SYT1: variants seen among roughly 807,000 people sequenced by gnomAD.
The protein encoded by SYT1 is synaptotagmin 1.
Under a neutral mutation model 44.8 loss-of-function variants are expected in SYT1, and 8 were observed. The observed-to-expected ratio is 0.18, with a 90% CI of 0.10 to 0.32. SYT1 has a LOEUF of 0.32. Ranked by LOEUF, SYT1 falls within the 10% of genes least tolerant of loss-of-function variation. The pLI, the probability that SYT1 is intolerant of heterozygous loss-of-function variation, is 1.00. For missense variants in SYT1, 286 were observed against 509.3 expected, an observed-to-expected ratio of 0.56 and a Z score of 4.22; for synonymous variants, 154 against 188.8, an observed-to-expected ratio of 0.82 and a Z score of 1.51.
At chr12:78,937,592 C>T (rs1878132661) in intron 1 of SYT1, among the ~76,000 whole-genome samples, 1 of 151,986 alleles carries the variant, frequency 6.6e-6, no homozygotes, top group Non-Finnish European at 1.5e-5. Flanking sequence ...AGATAAGCAA[C>T]TACTTAAATA....
chr12:79,231,953 G>A (rs1198166102), intron 4 of SYT1, among the ~76,000 whole-genome samples: 1 of 152,140 alleles, frequency 6.6e-6, no homozygotes, highest in South Asian at 2.1e-4. Flanking sequence ...TTGCTATGGT[G>A]AGCATCTATG....
In SYT1 at chr12:79,178,897, C is replaced by T. The variant is rs12820263; in HGVS notation, c.-17-38606C>T. Among the ~76,000 whole-genome samples, 16 of 102,866 alleles carry T rather than the reference C, an allele frequency of 1.6e-4. 4 individuals carry two copies. Among genetic ancestry groups the T allele is most frequent in the South Asian group, 1.4e-3 (5 of 3,670 alleles). The allele number at this position is 102,866 out of a possible 152,430, so 67.5% of individuals were successfully genotyped here. ...CTGAGTAGCTGGGATTTCATGCATGCGCCACCACACCCAGATATAGATATA... is the reference window on the plus strand; with the variant it reads ...CTGAGTAGCTGGGATTTCATGCATGTGCCACCACACCCAGATATAGATATA... On this transcript the variant is annotated intron_variant, in intron 3 of 10. Coordinates refer to ENST00000261205, the MANE Select transcript of SYT1 (RefSeq NM_005639.3).
chr12:78,985,769 G>A (rs887101100), intron 2 of SYT1, among the ~76,000 whole-genome samples: 1 of 151,900 alleles, frequency 6.6e-6, no homozygotes, highest in African/African-American at 2.4e-5. Flanking sequence ...TATGATCAGT[G>A]TGCTTCAAGT....
Position 78,904,709 on chromosome 12 carries a change from T to C in SYT1, c.-217+39600T>C, listed in dbSNP as rs187229858. On this transcript the variant is annotated intron_variant, in intron 1 of 10. Transcript: ENST00000261205. ...ATCTGCTCCATTACATGAGTAATAT[T>C]ATATGAGCCATAGTCTATACAACAT... 5.3e-5 allele frequency among the ~76,000 whole-genome samples: 8 copies of C among 152,290 alleles called. No individual in the cohort carries two copies. The East Asian group carries it at 1.5e-3, about 29-fold the overall frequency.
intron 3 of SYT1, among the ~76,000 whole-genome samples, chr12:79,212,728 T>C (rs1874535937): frequency 6.6e-6 from 1 of 152,192 alleles, no homozygotes; most frequent in Non-Finnish European, 1.5e-5. Context: ...TACTGGCAAA[T>C]AGATTCAAAA....
chr12:79,361,204 C>T (rs1454859591), intron 9 of SYT1, among the ~76,000 whole-genome samples: 1 of 152,142 alleles, frequency 6.6e-6, no homozygotes, highest in Non-Finnish European at 1.5e-5. Flanking sequence ...GTTCTAAATG[C>T]TTTACATATG....
intron 2 of SYT1, among the ~76,000 whole-genome samples, chr12:79,027,293 C>G (rs1004360098): frequency 3.3e-5 from 5 of 151,488 alleles, no homozygotes; most frequent in African/African-American, 1.2e-4. Context: ...CTCCTGCTTA[C>G]TTCCATTAAG....
intron 3 of SYT1, among the ~76,000 whole-genome samples, chr12:79,147,948 C>A (rs547964141): frequency 2.2e-4 from 33 of 151,898 alleles, no homozygotes; most frequent in Admixed American, 2.2e-3. Flanking sequence ...ATCTGGAGAA[C>A]AGAATAATAT....
chr12:79,361,729 C>T (rs900215673), intron 9 of SYT1, among the ~76,000 whole-genome samples: 1 of 152,124 alleles, frequency 6.6e-6, no homozygotes, highest in Non-Finnish European at 1.5e-5. Context: ...TCTTCACACA[C>T]AAAAGAAGAT....
intron 9 of SYT1, among the ~76,000 whole-genome samples, chr12:79,381,077 G>A (rs1884201005): frequency 6.6e-6 from 1 of 152,164 alleles, no homozygotes; most frequent in South Asian, 2.1e-4. Flanking sequence ...TCTGAAATCT[G>A]AAGTCCATGC....
At chr12:79,414,801 C>G (rs545669150) in intron 9 of SYT1, among the ~76,000 whole-genome samples, 1 of 152,144 alleles carries the variant, frequency 6.6e-6, no homozygotes, top group Admixed American at 6.5e-5. Flanking sequence ...ACAAGAATCA[C>G]AACAGGCTCC....
intron 4 of SYT1, among the ~76,000 whole-genome samples, chr12:79,227,421 G>A (rs1037153797): frequency 2.0e-5 from 3 of 152,118 alleles, no homozygotes; most frequent in African/African-American, 7.2e-5. Context: ...CTGAATAGCT[G>A]TGATTAAGGC....
intron 9 of SYT1, among the ~76,000 whole-genome samples, chr12:79,386,340 A>C (rs1593021820): frequency 6.7e-6 from 1 of 150,094 alleles, no homozygotes; most frequent in Middle Eastern, 3.4e-3. Context: ...AGTATTCATT[A>C]GTTTTCTTTT....
intron 3 of SYT1, among the ~76,000 whole-genome samples, chr12:79,145,979 G>C (rs113641325): frequency 0.09 from 13,642 of 151,836 alleles, 807 homozygotes; most frequent in Non-Finnish European, 0.13. Flanking sequence ...GGATGGTCTC[G>C]ATCTCCTGAC....
intron 10 of SYT1, among the ~76,000 whole-genome samples, chr12:79,446,034 T>TACATATATATATATATGTA (rs1491131045): frequency 4.3e-5 from 5 of 115,554 alleles, no homozygotes; most frequent in African/African-American, 6.8e-5. Flanking sequence ...TATATATATA[T>TACATATATATATATATGTA]TATGCCTAGG....
At chr12:79,240,087 T>G (rs1337750354) in intron 4 of SYT1, among the ~76,000 whole-genome samples, 1 of 152,206 alleles carries the variant, frequency 6.6e-6, no homozygotes, top group African/African-American at 2.4e-5. Context: ...GTCACGGATC[T>G]TTCCCATACT....
intron 2 of SYT1, among the ~76,000 whole-genome samples, chr12:78,996,761 G>A (rs1420351920): frequency 6.6e-6 from 1 of 152,062 alleles, no homozygotes; most frequent in African/African-American, 2.4e-5. Flanking sequence ...CAGAAAACGG[G>A]TCAAATAAAT....
chr12:79,114,709 T>C (rs1879186554), intron 3 of SYT1, among the ~76,000 whole-genome samples: 1 of 152,168 alleles, frequency 6.6e-6, no homozygotes, highest in Admixed American at 6.6e-5. Context: ...TATGTTAGAA[T>C]ACTTCTGGCC....
chr12:79,096,339 CT>C (rs1878128370), intron 3 of SYT1, among the ~76,000 whole-genome samples: 1 of 151,944 alleles, frequency 6.6e-6, no homozygotes, highest in South Asian at 2.1e-4. Flanking sequence ...TCTGCAGCCC[CT>C]CTGAATAGCC....
Sources: gnomAD v4.1 joint callset for allele counts (sites outside exome capture counted in the v4.1 genomes callset) on GRCh38, gnomAD v4.1.1 for gene constraint, MANE v1.5 for transcripts, NCBI Gene and HGNC (gene_info 2026-07-23, HGNC 2026-07-21) for gene names.